Variants in GTF2B observed in about 807,000 individuals in gnomAD.
GTF2B encodes general transcription factor IIB, also known as transcription initiation factor IIB.
A neutral mutation model predicts 34.6 loss-of-function variants in GTF2B; 20 were observed. The ratio of observed to expected loss-of-function variants is 0.58; its 90% confidence interval spans 0.41 to 0.84. The LOEUF (loss-of-function observed/expected upper bound fraction) is 0.84. GTF2B is among the 40% of genes least tolerant of loss of function. The pLI is 0.00. For missense variants in GTF2B, 237 were observed against 393.3 expected (o/e 0.60, Z 3.36); for synonymous variants, 142 against 132.4 (o/e 1.07, Z -0.50).
intron 2 of GTF2B, among the ~76,000 whole-genome samples, chr1:88,883,059 GAAGTATATA>G (rs1673984492): frequency 6.6e-6 from 1 of 152,186 alleles, no homozygotes; most frequent in South Asian, 2.1e-4. Flanking sequence ...GACACCACTG[GAAGTATATA>G]AAGTATATAA....
In GTF2B at chr1:88,856,274, A is replaced by AAAC. The variant is rs1557652052; in HGVS notation, c.817+931_817+932insGTT. Among the ~76,000 whole-genome samples the AAAC allele has an allele frequency of 7.4e-5, 9 of 122,014 alleles. 1 individual carries two copies. Among genetic ancestry groups the AAAC allele is most frequent in the East Asian group, 4.2e-4 (2 of 4,764 alleles). 80.0% of individuals were successfully genotyped at this position (122,014 alleles called of 152,430 possible). A position where few individuals can be genotyped will look rare whatever the true frequency, so the allele number is the denominator to read the frequency against. On this transcript the variant is annotated intron_variant, in intron 6 of 6. Transcript: ENST00000370500. ...ACAGAGGGAGACTGTTTCAAAAACA[A>AAAC]AAAAAAAAAAAAAAAACAAAAAAAA...
intron 2 of GTF2B, among the ~76,000 whole-genome samples, chr1:88,875,980 GAAAC>G (rs1011175514): frequency 5.1e-4 from 78 of 152,212 alleles, no homozygotes; most frequent in African/African-American, 1.9e-3. Context: ...CTGTAAAATG[GAAAC>G]AAACCAGCTC....
chr1:88,864,249 C>A, intron 2 of GTF2B, 135 bp from the exon 3 acceptor site: 2 of 686,774 alleles, frequency 2.9e-6, no homozygotes, highest in South Asian at 1.8e-5. Flanking sequence ...TTAAATATCA[C>A]ATTTCAGACA....
chr1:88,885,671 AC>A (rs1427897958), intron 2 of GTF2B, among the ~76,000 whole-genome samples: 3 of 151,926 alleles, frequency 2.0e-5, no homozygotes, highest in Non-Finnish European at 2.9e-5. Flanking sequence ...AATCACTTGA[AC>A]CCGGGAGGCG....
chr1:88,869,169 CTATT>C (rs1427098257), intron 2 of GTF2B, among the ~76,000 whole-genome samples: 2 of 152,196 alleles, frequency 1.3e-5, no homozygotes, highest in Non-Finnish European at 2.9e-5. Flanking sequence ...ATATAAACAA[CTATT>C]TACACAGCAT....
At chr1:88,863,368 G>C (rs999403107) in intron 3 of GTF2B, among the ~76,000 whole-genome samples, 1 of 151,884 alleles carries the variant, frequency 6.6e-6, no homozygotes, top group Admixed American at 6.6e-5. Context: ...TTTTGAGACA[G>C]AGTCTCACTC....
At chr1:88,880,818 G>A (rs1673919741) in intron 2 of GTF2B, among the ~76,000 whole-genome samples, 1 of 151,986 alleles carries the variant, frequency 6.6e-6, no homozygotes, top group Admixed American at 6.6e-5. Flanking sequence ...AGACCAGCCC[G>A]GCCAACATGG....
At chr1:88,873,521 A>G (rs941737449) in intron 2 of GTF2B, among the ~76,000 whole-genome samples, 49 of 152,154 alleles carry the variant, frequency 3.2e-4, no homozygotes, top group African/African-American at 1.2e-3. Context: ...GTTTTTAAGG[A>G]AGGACATACA....
At chr1:88,867,585 ATTT>A (rs1260479398) in intron 2 of GTF2B, among the ~76,000 whole-genome samples, 1 of 152,192 alleles carries the variant, frequency 6.6e-6, no homozygotes, top group Non-Finnish European at 1.5e-5. Flanking sequence ...AACTTGCAAT[ATTT>A]TTATTAACAT....
In GTF2B at chr1:88,860,297, G is replaced by A; in HGVS notation, c.259-11C>T. ...TGCAGCTCCTGTGCCCTATAAAACA[G>A]TTTTATAACTATGAAAAAATTTTTT... On this transcript the variant is annotated splice_polypyrimidine_tract_variant and intron_variant, in intron 3 of 6. Transcript: ENST00000370500. 1 of 1,582,886 alleles carries A rather than the reference G, an allele frequency of 6.3e-7. No individual in the cohort carries two copies. The highest frequency in any genetic ancestry group is 8.6e-7 in the Non-Finnish European group (1 of 1,169,262).
chr1:88,857,885 T>A (rs1673352317), intron 5 of GTF2B, among the ~76,000 whole-genome samples: 1 of 152,006 alleles, frequency 6.6e-6, no homozygotes, highest in African/African-American at 2.4e-5. Flanking sequence ...TTTCACCATG[T>A]TGGCCAGGCC....
chr1:88,876,801 GAA>G (rs1305721409), intron 2 of GTF2B, among the ~76,000 whole-genome samples: 1 of 152,252 alleles, frequency 6.6e-6, no homozygotes, highest in Non-Finnish European at 1.5e-5. Context: ...CATGGGTGAG[GAA>G]AAAAGATTTT....
At chr1:88,865,418 T>C (rs992622687) in intron 2 of GTF2B, among the ~76,000 whole-genome samples, 38 of 152,306 alleles carry the variant, frequency 2.5e-4, no homozygotes, top group Admixed American at 1.8e-3. Context: ...GGGAGACGCA[T>C]CAGTTTAAAA....
intron 6 of GTF2B, among the ~76,000 whole-genome samples, chr1:88,855,286 T>C (rs775947355): frequency 3.9e-5 from 6 of 152,156 alleles, no homozygotes; most frequent in African/African-American, 7.2e-5. Flanking sequence ...TTTCAACATA[T>C]AGCCTAAGCT....
intron 3 of GTF2B, among the ~76,000 whole-genome samples, chr1:88,861,742 GGGTTA>G (rs1244376808): frequency 6.6e-6 from 1 of 152,196 alleles, no homozygotes; most frequent in Non-Finnish European, 1.5e-5. Flanking sequence ...TGAGGCAGGA[GGGTTA>G]CCTAAGCCTG....
intron 2 of GTF2B, among the ~76,000 whole-genome samples, chr1:88,877,882 G>A (rs1673850342): frequency 6.6e-6 from 1 of 152,240 alleles, no homozygotes; most frequent in Admixed American, 6.5e-5. Context: ...AGTGAGCCAA[G>A]ATAAAGCCAC....
chr1:88,861,390 C>T (rs1033049855), intron 3 of GTF2B, among the ~76,000 whole-genome samples: 1 of 152,224 alleles, frequency 6.6e-6, no homozygotes, highest in African/African-American at 2.4e-5. Flanking sequence ...ACAGGCCAGG[C>T]GCAGTGGCCC....
intron 2 of GTF2B, among the ~76,000 whole-genome samples, chr1:88,869,527 T>G (rs1180611177): frequency 6.6e-6 from 1 of 152,216 alleles, no homozygotes; most frequent in Non-Finnish European, 1.5e-5. Context: ...TATGATTTCA[T>G]TCACATGAAG....
At chr1:88,872,657 TACC>T (rs936967835) in intron 2 of GTF2B, among the ~76,000 whole-genome samples, 9 of 152,154 alleles carry the variant, frequency 5.9e-5, no homozygotes, top group South Asian at 2.1e-4. Context: ...CTTCAAGTAG[TACC>T]ACAATGGGTA....
Sources: gnomAD v4.1 joint callset for allele counts (sites outside exome capture counted in the v4.1 genomes callset) on GRCh38, gnomAD v4.1.1 for gene constraint, MANE v1.5 for transcripts, NCBI Gene and HGNC (gene_info 2026-07-23, HGNC 2026-07-21) for gene names.